PLCE1: variants seen among roughly 807,000 people sequenced by gnomAD.
The protein encoded by PLCE1 is 1-phosphatidylinositol 4,5-bisphosphate phosphodiesterase epsilon-1.
PLCE1 carries 119 observed loss-of-function variants against 242.8 expected under a neutral mutation model. That is an observed-to-expected ratio of 0.49 (90% CI 0.42 to 0.57). The LOEUF (loss-of-function observed/expected upper bound fraction) is 0.57. Ranked by LOEUF, PLCE1 falls within the 20% of genes least tolerant of loss-of-function variation. PLCE1 has a pLI of 0.00. For missense variants in PLCE1, 2,441 were observed against 2,788.8 expected, an observed-to-expected ratio of 0.88 and a Z score of 2.81; for synonymous variants, 945 against 1,017.4, an observed-to-expected ratio of 0.93 and a Z score of 1.35.
intron 4 of PLCE1, among the ~76,000 whole-genome samples, chr10:94,216,941 T>G (rs1286916831): frequency 2.0e-5 from 3 of 151,376 alleles, no homozygotes; most frequent in Non-Finnish European, 4.4e-5. Context: ...TTTAAAGGCC[T>G]GTGCTTTTAC....
intron 2 of PLCE1, among the ~76,000 whole-genome samples, chr10:94,054,209 T>TA (rs1395543449): frequency 6.6e-6 from 1 of 152,166 alleles, no homozygotes; most frequent in African/African-American, 2.4e-5. Flanking sequence ...AAAGAAAAGG[T>TA]ACATAATGCG....
intron 11 of PLCE1, among the ~76,000 whole-genome samples, chr10:94,256,628 C>G (rs1283750404): frequency 6.6e-6 from 1 of 152,130 alleles, no homozygotes; most frequent in African/African-American, 2.4e-5. Flanking sequence ...CCTGGGTAAA[C>G]AGCAAGGAAC....
chr10:94,313,082 C>T, intron 27 of PLCE1, among the ~76,000 whole-genome samples, 172 bp from the exon 28 acceptor site: 1 of 152,120 alleles, frequency 6.6e-6, no homozygotes, highest in East Asian at 1.9e-4. Context: ...AATACCCTCA[C>T]TAAATGACTG....
intron 3 of PLCE1, among the ~76,000 whole-genome samples, chr10:94,146,486 C>T (rs891982058): frequency 6.6e-6 from 1 of 152,178 alleles, no homozygotes; most frequent in African/African-American, 2.4e-5. Flanking sequence ...TCAGTGCAGT[C>T]GGCACAGCCA....
chr10:94,227,338 G>A lies in PLCE1; in HGVS notation c.1842G>A (p.Thr614=), dbSNP rs771344723. The A allele has an allele frequency of 1.4e-5, 23 of 1,614,004 alleles. No homozygotes were observed. The highest frequency in any genetic ancestry group is 4.0e-5 in the African/African-American group (3 of 75,018). The change falls in exon 5 of 33, where the codon ACG becomes ACA. Residue 614 remains threonine, a synonymous_variant. Coordinates refer to ENST00000371380, the MANE Select transcript of PLCE1 (RefSeq NM_016341.4). The part of the protein sequence containing the change: ...VSSWVTWLIL[T]AGSMEEKREV... ...CCTGGGTGACATGGCTGATCCTCACGGCAGGCTCCATGGAGGAGAAGCGAG... is the reference window on the plus strand; with the variant it reads ...CCTGGGTGACATGGCTGATCCTCACAGCAGGCTCCATGGAGGAGAAGCGAG...
chr10:94,161,148 G>A (rs1328630243), intron 3 of PLCE1, among the ~76,000 whole-genome samples: 1 of 152,062 alleles, frequency 6.6e-6, no homozygotes, highest in African/African-American at 2.4e-5. Context: ...TGTGAAGAAA[G>A]TTTGGTTCCA....
At chr10:94,146,272 G>A (rs2047107547) in intron 3 of PLCE1, among the ~76,000 whole-genome samples, 1 of 152,144 alleles carries the variant, frequency 6.6e-6, no homozygotes, top group Non-Finnish European at 1.5e-5. Context: ...GTTTTCATTG[G>A]CATGAGACAC....
chr10:94,140,364 A>G (rs949413608), intron 3 of PLCE1, among the ~76,000 whole-genome samples: 1 of 144,174 alleles, frequency 6.9e-6, no homozygotes, highest in African/African-American at 2.5e-5. Context: ...GAAACCTGTT[A>G]CTACTGAAAA....
chr10:94,145,124 C>T (rs895916856), intron 3 of PLCE1, among the ~76,000 whole-genome samples: 1 of 152,172 alleles, frequency 6.6e-6, no homozygotes, highest in African/African-American at 2.4e-5. Context: ...CCTCATTGTA[C>T]CCCAAATTAA....
chr10:94,220,794 T>C (rs1226106401), intron 4 of PLCE1, among the ~76,000 whole-genome samples: 3 of 152,140 alleles, frequency 2.0e-5, no homozygotes, highest in East Asian at 1.9e-4. Flanking sequence ...GTAAACAGTA[T>C]GCCCATTTTA....
At chr10:94,076,749 G>A (rs1405967059) in intron 2 of PLCE1, among the ~76,000 whole-genome samples, 2 of 150,090 alleles carry the variant, frequency 1.3e-5, no homozygotes, top group South Asian at 4.1e-4. Flanking sequence ...GGTGCTGGAA[G>A]CAGCTGCTGG....
chr10:94,110,777 C>G (rs75402702), intron 2 of PLCE1, among the ~76,000 whole-genome samples: 25 of 152,142 alleles, frequency 1.6e-4, no homozygotes, highest in Admixed American at 1.6e-3. Context: ...AAAACAGAAG[C>G]ATCATCCTTC....
intron 23 of PLCE1, among the ~76,000 whole-genome samples, chr10:94,296,495 T>C (rs1300649885): frequency 6.6e-6 from 1 of 152,206 alleles, no homozygotes; most frequent in East Asian, 1.9e-4. Flanking sequence ...TGGAGATGAC[T>C]TCTTTCCTTA....
At position 94,270,701 on chromosome 10, in the gene PLCE1, G is replaced by T. The variant is rs1969867; in HGVS notation, c.4506+99G>T. On this transcript the variant is annotated intron_variant, in intron 18 of 32. Coordinates refer to ENST00000371380, the MANE Select transcript of PLCE1 (RefSeq NM_016341.4). ...GTTTTGTTTTTTGAGACAGAGTCTCGCTCTCTCACCCAGGCTGGAGTGCAG... is the reference window on the plus strand; with the variant it reads ...GTTTTGTTTTTTGAGACAGAGTCTCTCTCTCTCACCCAGGCTGGAGTGCAG... 0.29 allele frequency: 234,562 copies of T among 807,016 alleles called. 34,826 individuals are homozygous for T. The highest frequency in any genetic ancestry group is 0.34 in the South Asian group (25,082 of 74,524). The allele number at this position is 807,016 out of a possible 1,614,324, so 50.0% of individuals were successfully genotyped here. A position where few individuals can be genotyped will look rare whatever the true frequency, so the allele number is the denominator to read the frequency against.
chr10:94,004,001 G>A (rs2060986526), intron 1 of PLCE1, among the ~76,000 whole-genome samples: 1 of 152,116 alleles, frequency 6.6e-6, no homozygotes, highest in Admixed American at 6.5e-5. Context: ...ACAAAAATTA[G>A]CTGGGCATGG....
intron 8 of PLCE1, 124 bp from the exon 9 acceptor site, chr10:94,252,192 A>G: frequency 1.2e-6 from 1 of 813,718 alleles, no homozygotes; most frequent in Non-Finnish European, 2.1e-6. Flanking sequence ...GGGTGGCCAG[A>G]TCATTATTCT....
At chr10:94,325,700 G>C (rs1428242183) in intron 32 of PLCE1, 1 of 152,124 alleles carries the variant, frequency 6.6e-6, no homozygotes, top group East Asian at 1.9e-4. Context: ...CTCCCAAGAA[G>C]TCAATCAACT....
chr10:94,318,412 A>G (rs992836458), intron 29 of PLCE1, among the ~76,000 whole-genome samples: 2 of 152,258 alleles, frequency 1.3e-5, no homozygotes, highest in Non-Finnish European at 1.5e-5. Flanking sequence ...TGTAAACCTC[A>G]TACTTGTGTA....
intron 4 of PLCE1, among the ~76,000 whole-genome samples, chr10:94,186,352 A>G (rs2048479522): frequency 6.6e-6 from 1 of 152,202 alleles, no homozygotes; most frequent in African/African-American, 2.4e-5. Flanking sequence ...AACAGCCATC[A>G]AGCTCATCAT....
Sources: gnomAD v4.1 joint callset for allele counts (sites outside exome capture counted in the v4.1 genomes callset) on GRCh38, gnomAD v4.1.1 for gene constraint, MANE v1.5 for transcripts, NCBI Gene and HGNC (gene_info 2026-07-23, HGNC 2026-07-21) for gene names.